The following SCAP variants were observed in gnomAD, a reference collection of about 807,000 sequenced individuals.
SCAP encodes sterol regulatory element-binding protein cleavage-activating protein.
A neutral mutation model predicts 123.6 loss-of-function variants in SCAP; 65 were observed. That is an observed-to-expected ratio of 0.53 (90% CI 0.43 to 0.65). The LOEUF (loss-of-function observed/expected upper bound fraction) is 0.65. Ranked by LOEUF, SCAP falls within the 30% of genes least tolerant of loss-of-function variation. The probability of loss-of-function intolerance (pLI) is 0.00; values close to 1 mark genes in which losing one functional copy is unlikely to be tolerated. For missense variants in SCAP, 1,398 were observed against 1,712.5 expected (o/e 0.82, Z 3.24); for synonymous variants, 740 against 726.3 (o/e 1.02, Z -0.30).
chr3:47,454,150 A>G (rs1054680895), intron 1 of SCAP, among the ~76,000 whole-genome samples: 5 of 151,646 alleles, frequency 3.3e-5, no homozygotes, highest in Non-Finnish European at 2.9e-5. Context: ...GGCGGATCAC[A>G]AGGTCAGGAG....
intron 1 of SCAP, among the ~76,000 whole-genome samples, chr3:47,443,586 G>A (rs187624780): frequency 1.3e-5 from 2 of 152,236 alleles, no homozygotes; most frequent in African/African-American, 4.8e-5. Flanking sequence ...TCGTGAAGAA[G>A]GTCTAGCGAG....
At position 47,418,643 on chromosome 3, in the gene SCAP, C is replaced by CCCCCCCCCG; in HGVS notation, c.2129+11_2129+12insCGGGGGGGG. The CCCCCCCCCG allele has an allele frequency of 6.2e-7, 1 of 1,601,478 alleles. No homozygotes were observed. Among genetic ancestry groups the CCCCCCCCCG allele is most frequent in the South Asian group, 1.1e-5 (1 of 89,528 alleles). On this transcript the variant is annotated intron_variant, in intron 14 of 22. Transcript: ENST00000265565. ...GCACTCTTTCCCACCCCACCCCACC[C>CCCCCCCCCG]AGCAGCCTTACTTGTACAGCGTGAC...
chr3:47,450,736 G>A lies in SCAP; in HGVS notation c.-98-7645C>T, dbSNP rs1411355196. ...GCTGGTCTCAAACTCCTGGGCTCAA[G>A]CAATCCTCCTGCCTCAATTTCCCAA... On this transcript the variant is annotated intron_variant, in intron 1 of 22. Coordinates refer to ENST00000265565, the MANE Select transcript of SCAP (RefSeq NM_012235.4). Among the ~76,000 whole-genome samples the A allele has an allele frequency of 3.2e-5, 4 of 124,014 alleles. 1 individual carries two copies. The highest frequency in any genetic ancestry group is 7.1e-5 in the Non-Finnish European group (4 of 56,164). The allele number at this position is 124,014 out of a possible 152,430, so 81.4% of individuals were successfully genotyped here.
intron 1 of SCAP, among the ~76,000 whole-genome samples, chr3:47,444,473 G>A (rs1329384464): frequency 6.6e-6 from 1 of 152,124 alleles, no homozygotes; most frequent in African/African-American, 2.4e-5. Context: ...TTCCAATCCA[G>A]GAACCCTTTA....
At chr3:47,468,772 T>C (rs887767036) in intron 1 of SCAP, among the ~76,000 whole-genome samples, 3 of 152,184 alleles carry the variant, frequency 2.0e-5, no homozygotes, top group African/African-American at 7.2e-5. Flanking sequence ...GCTTTTGGTG[T>C]TTTAGTCATG....
At position 47,426,311 on chromosome 3, in the gene SCAP, TC is replaced by T. The variant is rs1706128414; in HGVS notation, c.738-143del. The T allele has an allele frequency of 5.5e-5, 44 of 796,638 alleles. No homozygotes were observed. The South Asian group carries it at 8.0e-4, about 14-fold the overall frequency. 49.3% of individuals were successfully genotyped at this position (796,638 alleles called of 1,614,324 possible). A position where few individuals can be genotyped will look rare whatever the true frequency, so the allele number is the denominator to read the frequency against. ...AACTTCTCTATGGTGCCTGAGCTTC[TC>T]TATAGTCTCCAGGGGCACTGGGAAA... is the stretch of plus-strand genomic sequence containing the variant. On this transcript the variant is annotated intron_variant, in intron 6 of 22. Transcript: ENST00000265565.
chr3:47,436,566 C>A (rs1357670745), intron 2 of SCAP, among the ~76,000 whole-genome samples: 3 of 151,716 alleles, frequency 2.0e-5, no homozygotes, highest in South Asian at 2.1e-4. Context: ...GAGGTAGAGG[C>A]TGCAGTGAGC....
At chr3:47,453,378 T>C (rs1022071471) in intron 1 of SCAP, among the ~76,000 whole-genome samples, 4 of 81,370 alleles carry the variant, frequency 4.9e-5, no homozygotes, top group Admixed American at 1.9e-4. Flanking sequence ...CCCCATCTCT[T>C]TAAAAAAAAT....
At chr3:47,442,582 A>G (rs1053807491) in intron 2 of SCAP, among the ~76,000 whole-genome samples, 7 of 152,260 alleles carry the variant, frequency 4.6e-5, no homozygotes, top group Admixed American at 1.3e-4. Flanking sequence ...CTGAAGTATC[A>G]TATCTTTCAA....
intron 10 of SCAP, 24 bp from the exon 11 acceptor site, chr3:47,421,053 G>C (rs371270622): frequency 2.5e-6 from 4 of 1,578,216 alleles, no homozygotes; most frequent in East Asian, 4.5e-5. Context: ...ACATGGGGAT[G>C]GGGGGGTGCC....
Position 47,419,637 on chromosome 3 carries a change from G to A in SCAP, c.1631C>T (p.Ala544Val), listed in dbSNP as rs758618115. Reference sequence around the variant, plus strand: ...TGGGCTCTGTTCCGTCACCTGGGCAGCGAGGTAGTTGCGCAGCCCTGCTGG... The same window carrying A: ...TGGGCTCTGTTCCGTCACCTGGGCAACGAGGTAGTTGCGCAGCCCTGCTGG... ...TDPAGLRNYL[A>V]AQVTEQSPLG... is the part of the protein sequence containing the mutation. The change falls in exon 13 of 23, where the codon GCT becomes GTT. Residue 544 changes from alanine to valine, a missense_variant. Transcript: ENST00000265565. The surrounding 1 kb of genome is among the most constrained non-coding windows in gnomAD (Gnocchi z 5.0). The A allele has an allele frequency of 6.4e-7, 1 of 1,573,562 alleles. No individual in the cohort carries two copies. The highest frequency in any genetic ancestry group is 8.6e-7 in the Non-Finnish European group (1 of 1,158,692).
rs1391975394 is a variant in SCAP, at chr3:47,421,042, C to T, written c.1246-13G>A. 6.2e-7 allele frequency: 1 copy of T among 1,607,850 alleles called. No individual in the cohort carries two copies. Among genetic ancestry groups the T allele is most frequent in the Admixed American group, 1.7e-5 (1 of 59,994 alleles). On this transcript the variant is annotated splice_polypyrimidine_tract_variant and intron_variant, in intron 10 of 22. Transcript: ENST00000265565. Reference sequence around the variant, plus strand: ...AGAGACAGAACTCCTGGAATCAGAGCACATGGGGATGGGGGGGTGCCGTGA... The same window carrying T: ...AGAGACAGAACTCCTGGAATCAGAGTACATGGGGATGGGGGGGTGCCGTGA...
Position 47,428,527 on chromosome 3 carries a change from G to A in SCAP, c.396C>T (p.His132=), listed in dbSNP as rs760853834. The change falls in exon 4 of 23, where the codon CAC becomes CAT. Residue 132 remains histidine (H), a synonymous_variant. Transcript: ENST00000265565. ...AFQLVEEIRN[H]VLRDSSGIRS... ...GAGAGGGGTACCTGTCTCTCAGCAC[G>A]TGGTTCCGGATCTCCTCCACCAGTT... 1.4e-5 allele frequency: 22 copies of A among 1,613,990 alleles called. No homozygotes were observed. The highest frequency in any genetic ancestry group is 1.8e-5 in the Non-Finnish European group (21 of 1,180,014).
chr3:47,446,141 T>C (rs1458052132), intron 1 of SCAP, among the ~76,000 whole-genome samples: 1 of 151,352 alleles, frequency 6.6e-6, no homozygotes, highest in East Asian at 1.9e-4. Context: ...CCCAAAGTGC[T>C]GAGATTACAG....
intron 3 of SCAP, chr3:47,429,102 T>G: frequency 5.6e-6 from 1 of 178,750 alleles, no homozygotes; most frequent in Non-Finnish European, 1.2e-5. Context: ...AATCCTAGTA[T>G]CCACCCTCTA....
At chr3:47,473,437 G>A (rs1708146562) in intron 1 of SCAP, among the ~76,000 whole-genome samples, 1 of 152,158 alleles carries the variant, frequency 6.6e-6, no homozygotes, top group South Asian at 2.1e-4. Context: ...AGTTCTAACG[G>A]AAGGAGCTCA....
intron 1 of SCAP, among the ~76,000 whole-genome samples, chr3:47,459,702 G>A (rs1054938490): frequency 2.8e-4 from 42 of 152,186 alleles, no homozygotes; most frequent in African/African-American, 9.9e-4. Context: ...TGCTTCTGAG[G>A]AAACAGGACA....
At position 47,419,544 on chromosome 3, in the gene SCAP, G is replaced by C. The variant is rs1705796668; in HGVS notation, c.1724C>G (p.Pro575Arg). Reference protein sequence around the residue: ...SGMLPPSHPDPAFSIFPPDAP... With the variant: ...SGMLPPSHPDRAFSIFPPDAP... The stretch of plus-strand genomic sequence containing the variant: ...ATCAGGTGGGAAGATGGAGAAGGCA[G>C]GGTCCGGGTGGCTGGGGGGCAGCAT... Residue 575 changes from proline to arginine, a missense_variant, in exon 13 of 23, where the codon CCT (proline) becomes CGT (arginine). Pro to Arg is a moderately radical substitution (Grantham distance 103, BLOSUM62 -2). Coordinates refer to ENST00000265565, the MANE Select transcript of SCAP (RefSeq NM_012235.4). The surrounding 1 kb of genome is among the most constrained non-coding windows in gnomAD (Gnocchi z 5.0). The C allele has an allele frequency of 6.2e-7, 1 of 1,613,542 alleles. No individual in the cohort carries two copies. Among genetic ancestry groups the C allele is most frequent in the Non-Finnish European group, 8.5e-7 (1 of 1,179,648 alleles).
In SCAP at chr3:47,464,838, G is replaced by C. The variant is rs974582192; in HGVS notation, c.-99+10961C>G. Among the ~76,000 whole-genome samples, 3 of 152,020 alleles carry C rather than the reference G, an allele frequency of 2.0e-5. No individual in the cohort carries two copies. In the East Asian group the frequency reaches 5.8e-4, roughly 29 times the overall value. On this transcript the variant is annotated intron_variant, in intron 1 of 22. Transcript: ENST00000265565. ...GACAGGAAGTAGTAAAATTATTTCC[G>C]TTCCTAGATGACATGATCTTACATG...
Sources: allele counts gnomAD v4.1 joint callset (sites outside exome capture counted in the v4.1 genomes callset), GRCh38; gene constraint gnomAD v4.1.1; non-coding constraint Gnocchi (gnomAD v3.1); transcripts MANE v1.5; gene names NCBI Gene and HGNC (gene_info 2026-07-23, HGNC 2026-07-21).